OPCML: variants seen among roughly 807,000 people sequenced by gnomAD.
OPCML encodes opioid-binding protein/cell adhesion molecule.
Under a neutral mutation model 37.8 loss-of-function variants are expected in OPCML, and 13 were observed. The ratio of observed to expected loss-of-function variants is 0.34; its 90% confidence interval spans 0.22 to 0.55. The LOEUF is 0.55. OPCML is among the 20% of genes least tolerant of loss of function. The probability of loss-of-function intolerance (pLI) is 0.91; values close to 1 mark genes in which losing one functional copy is unlikely to be tolerated. For missense variants in OPCML, 341 were observed against 435.6 expected (o/e 0.78, Z 1.93); for synonymous variants, 176 against 168.8 (o/e 1.04, Z -0.33).
intron 1 of OPCML, among the ~76,000 whole-genome samples, chr11:133,390,489 C>CA (rs988057124): frequency 7.1e-4 from 107 of 151,716 alleles, no homozygotes; most frequent in African/African-American, 2.4e-3. Flanking sequence ...ACGACAACAA[C>CA]AAAAAAGGTA....
intron 2 of OPCML, among the ~76,000 whole-genome samples, chr11:132,786,359 A>C (rs1340556684): frequency 6.6e-6 from 1 of 152,228 alleles, no homozygotes; most frequent in South Asian, 2.1e-4. Context: ...TACACATTTA[A>C]GGTAAAACTA....
intron 1 of OPCML, chr11:133,301,907 C>T (rs1488481322): frequency 6.6e-6 from 1 of 152,088 alleles, no homozygotes; most frequent in African/African-American, 2.4e-5. Context: ...TACAAATACC[C>T]ATGAATGTGA....
At position 132,892,146 on chromosome 11, in the gene OPCML, C is replaced by A. The variant is rs540689837; in HGVS notation, c.146+50780G>T. 3.7e-4 allele frequency among the ~76,000 whole-genome samples: 57 copies of A among 152,308 alleles called. 2 individuals carry two copies. The South Asian group carries it at 0.012, about 32-fold the overall frequency. On this transcript the variant is annotated intron_variant, in intron 2 of 7. Coordinates refer to ENST00000524381, the MANE Select transcript of OPCML (RefSeq NM_001012393.5). ...AAGAGCCTTTGTTCCAATGTCATCA[C>A]CTAGAAAGGTCTGTAACTGTGTTGA...
At chr11:133,014,247 C>T (rs1947275325) in intron 1 of OPCML, among the ~76,000 whole-genome samples, 1 of 152,078 alleles carries the variant, frequency 6.6e-6, no homozygotes, top group Admixed American at 6.5e-5. Flanking sequence ...CAAAAGCCAC[C>T]TCTTGGAGAA....
rs2095934870 is a variant in OPCML, at chr11:132,415,317, T to C, written c.*4876A>G. ...GTCTGACACAGCTATAACGGCACCA[T>C]TGATAAGTCATAATTTTTTTTTAAA... On this transcript the variant is annotated 3_prime_UTR_variant, in exon 8 of 8. Transcript: ENST00000524381. The C allele has an allele frequency of 6.6e-6, 1 of 152,570 alleles. No individual in the cohort carries two copies. Among genetic ancestry groups the C allele is most frequent in the South Asian group, 2.1e-4 (1 of 4,820 alleles). 9.5% of individuals were successfully genotyped at this position (152,570 alleles called of 1,614,324 possible). A position where few individuals can be genotyped will look rare whatever the true frequency, so the allele number is the denominator to read the frequency against.
Position 133,096,907 on chromosome 11 carries a change from T to C in OPCML, c.62-153897A>G, listed in dbSNP as rs986262186. Among the ~76,000 whole-genome samples, 5 of 152,028 alleles carry C rather than the reference T, an allele frequency of 3.3e-5. No individual in the cohort carries two copies. The East Asian group carries it at 5.8e-4, about 18-fold the overall frequency. On this transcript the variant is annotated intron_variant, in intron 1 of 7. Coordinates refer to ENST00000524381, the MANE Select transcript of OPCML (RefSeq NM_001012393.5). ...CAAAATATACAAGACAAAAAACTGA[T>C]AGAACCGCAAGGAGAAACAGATGAA... is the stretch of plus-strand genomic sequence containing the variant.
At chr11:132,612,552 C>T (rs1938719225) in intron 3 of OPCML, among the ~76,000 whole-genome samples, 1 of 152,112 alleles carries the variant, frequency 6.6e-6, no homozygotes, top group Non-Finnish European at 1.5e-5. Context: ...GGGAGAATAT[C>T]ACAGAGGCTG....
chr11:133,073,805 C>T (rs562423529), intron 1 of OPCML, among the ~76,000 whole-genome samples: 7 of 152,264 alleles, frequency 4.6e-5, no homozygotes, highest in African/African-American at 1.4e-4. Flanking sequence ...CCCAGATACA[C>T]GGCTATGTAC....
intron 1 of OPCML, among the ~76,000 whole-genome samples, chr11:133,318,716 G>A (rs1943260830): frequency 6.6e-6 from 1 of 152,106 alleles, no homozygotes; most frequent in Non-Finnish European, 1.5e-5. Flanking sequence ...CGCTACAGCG[G>A]TTACTGGCTC....
intron 3 of OPCML, among the ~76,000 whole-genome samples, chr11:132,648,924 G>A (rs936729331): frequency 2.6e-5 from 4 of 152,074 alleles, no homozygotes; most frequent in Non-Finnish European, 4.4e-5. Flanking sequence ...ATAAGTGTCC[G>A]AGGAGAAATG....
intron 2 of OPCML, among the ~76,000 whole-genome samples, chr11:132,778,983 T>G (rs1946902284): frequency 6.7e-6 from 1 of 148,280 alleles, no homozygotes; most frequent in Non-Finnish European, 1.5e-5. Context: ...TTTTTTTTTT[T>G]TGGAGATAGA....
chr11:132,721,450 G>A (rs772699240), intron 2 of OPCML, among the ~76,000 whole-genome samples: 1 of 152,200 alleles, frequency 6.6e-6, no homozygotes, highest in Non-Finnish European at 1.5e-5. Flanking sequence ...GACCAGCAAG[G>A]CATGTGAGGA....
chr11:132,761,569 C>T (rs957231612), intron 2 of OPCML, among the ~76,000 whole-genome samples: 3 of 152,030 alleles, frequency 2.0e-5, no homozygotes, highest in Non-Finnish European at 4.4e-5. Flanking sequence ...TCTTTGGTCT[C>T]TGATATCTTT....
chr11:133,064,597 C>G (rs1235383335), intron 1 of OPCML: 1 of 152,272 alleles, frequency 6.6e-6, no homozygotes, highest in Non-Finnish European at 1.5e-5. Flanking sequence ...GACTGTGCTG[C>G]CTGAATTCTT....
Position 133,027,953 on chromosome 11 carries a change from A to T in OPCML, c.62-84943T>A, listed in dbSNP as rs1484222312. On this transcript the variant is annotated intron_variant, in intron 1 of 7. Coordinates refer to ENST00000524381, the MANE Select transcript of OPCML (RefSeq NM_001012393.5). ...TGAGTCAGACCTCAGCAAAGTATCAATGTGCTTTTCGGAATTCTACATGTA... is the reference window on the plus strand; with the variant it reads ...TGAGTCAGACCTCAGCAAAGTATCATTGTGCTTTTCGGAATTCTACATGTA... Among the ~76,000 whole-genome samples, 3 of 151,644 alleles carry T rather than the reference A, an allele frequency of 2.0e-5. No homozygotes were observed. The South Asian group carries it at 6.3e-4, about 32-fold the overall frequency.
At chr11:133,374,912 G>C (rs7933814) in intron 1 of OPCML, among the ~76,000 whole-genome samples, 3 of 151,808 alleles carry the variant, frequency 2.0e-5, no homozygotes, top group Non-Finnish European at 4.4e-5. Context: ...TCGCTGAGGC[G>C]TCACTTTATG....
chr11:133,458,199 C>CATAT (rs1369711298), intron 1 of OPCML, among the ~76,000 whole-genome samples: 3 of 135,846 alleles, frequency 2.2e-5, no homozygotes, highest in African/African-American at 3.5e-5. Flanking sequence ...CACATATATA[C>CATAT]ACGTGTGTGT....
At position 132,638,163 on chromosome 11, in the gene OPCML, C is replaced by CTATATATATATATA. The variant is rs71905540; in HGVS notation, c.379+18910_379+18923dup. 9.2e-3 allele frequency among the ~76,000 whole-genome samples: 1,180 copies of CTATATATATATATA among 128,092 alleles called. 24 individuals carry two copies. Among genetic ancestry groups the CTATATATATATATA allele is most frequent in the South Asian group, 0.012 (46 of 3,704 alleles). The allele number at this position is 128,092 out of a possible 152,430, so 84.0% of individuals were successfully genotyped here. A position where few individuals can be genotyped will look rare whatever the true frequency, so the allele number is the denominator to read the frequency against. On this transcript the variant is annotated intron_variant, in intron 3 of 7. Coordinates refer to ENST00000524381, the MANE Select transcript of OPCML (RefSeq NM_001012393.5). ...GAAAGCTAAAGAGCATATATACAGA[C>CTATATATATATATA]TATATATATATATATATATATATAC...
intron 2 of OPCML, among the ~76,000 whole-genome samples, chr11:132,839,021 G>A (rs10160262): frequency 0.16 from 24,624 of 152,204 alleles, 2,473 homozygotes; most frequent in Non-Finnish European, 0.24. Flanking sequence ...ACACTTTCCC[G>A]TGAACAGGAA....
Sources: allele counts gnomAD v4.1 joint callset (sites outside exome capture counted in the v4.1 genomes callset), GRCh38; gene constraint gnomAD v4.1.1; transcripts MANE v1.5; gene names NCBI Gene and HGNC (gene_info 2026-07-23, HGNC 2026-07-21).